Variants in DOCK1 observed in about 807,000 individuals in gnomAD.
DOCK1 encodes dedicator of cytokinesis 1.
DOCK1 carries 138 observed loss-of-function variants against 262.7 expected under a neutral mutation model. That is an observed-to-expected ratio of 0.53 (90% CI 0.46 to 0.61). DOCK1 has a LOEUF of 0.61. Among genes scored for constraint, DOCK1 ranks in the 20% least tolerant of loss-of-function variants. The probability of loss-of-function intolerance (pLI) is 0.00; values close to 1 mark genes in which losing one functional copy is unlikely to be tolerated. For missense variants in DOCK1, 1,908 were observed against 2,370.7 expected (o/e 0.80, Z 4.05); for synonymous variants, 866 against 867.4 (o/e 1.00, Z 0.03).
rs948615329 is a variant in DOCK1, at chr10:126,941,991, G to A, written c.47-28711G>A. 2.0e-3 allele frequency among the ~76,000 whole-genome samples: 307 copies of A among 152,128 alleles called. 2 individuals carry two copies. Among genetic ancestry groups the A allele is most frequent in the African/African-American group, 7.1e-3 (293 of 41,526 alleles). On this transcript the variant is annotated intron_variant, in intron 1 of 51. Transcript: ENST00000623213. ...ATCATGAGGAGGGGAGAGCCAAGAG[G>A]GTGTCGGATGTGTGTTGTCACTCTG...
At chr10:127,248,646 C>T (rs571514057) in intron 28 of DOCK1, among the ~76,000 whole-genome samples, 1 of 152,324 alleles carries the variant, frequency 6.6e-6, no homozygotes, top group South Asian at 2.1e-4. Flanking sequence ...TTATGAACTA[C>T]CTCCCTAATG....
chr10:127,079,537 A>C (rs896824050), intron 23 of DOCK1, among the ~76,000 whole-genome samples: 1 of 152,096 alleles, frequency 6.6e-6, no homozygotes, highest in Non-Finnish European at 1.5e-5. Context: ...CTAATAAAAA[A>C]ATCTGTTGAG....
At chr10:127,262,771 T>G (rs2060220665) in intron 29 of DOCK1, among the ~76,000 whole-genome samples, 1 of 152,222 alleles carries the variant, frequency 6.6e-6, no homozygotes, top group South Asian at 2.1e-4. Flanking sequence ...GAGAGTGAGC[T>G]AACATTGGGC....
chr10:127,108,993 GT>G (rs1174763213), intron 24 of DOCK1, among the ~76,000 whole-genome samples: 19 of 152,238 alleles, frequency 1.2e-4, no homozygotes, highest in South Asian at 2.1e-4. Flanking sequence ...TTGTATTCAA[GT>G]TTTTTTAAAA....
At chr10:127,161,916 C>T (rs2053623433) in intron 27 of DOCK1, among the ~76,000 whole-genome samples, 1 of 152,148 alleles carries the variant, frequency 6.6e-6, no homozygotes. Context: ...TGGATTGACC[C>T]CTGTTCCAGA....
intron 23 of DOCK1, among the ~76,000 whole-genome samples, chr10:127,070,637 G>T (rs2046175374): frequency 6.6e-6 from 1 of 151,636 alleles, no homozygotes; most frequent in Admixed American, 6.6e-5. Context: ...CAGGTCAGTG[G>T]TGAACAAAGG....
chr10:127,354,385 A>G (rs2064033566), intron 31 of DOCK1, among the ~76,000 whole-genome samples: 3 of 152,222 alleles, frequency 2.0e-5, no homozygotes, highest in Non-Finnish European at 4.4e-5. Context: ...CCAGGAGCCA[A>G]GAGATTGAAG....
chr10:127,243,077 G>C (rs1168668664), intron 27 of DOCK1, among the ~76,000 whole-genome samples: 3 of 152,110 alleles, frequency 2.0e-5, no homozygotes, highest in Admixed American at 6.5e-5. Flanking sequence ...TGAGCTCCAG[G>C]GTCGATTGAG....
intron 46 of DOCK1, among the ~76,000 whole-genome samples, chr10:127,423,439 G>T (rs549463853): frequency 6.6e-6 from 1 of 152,288 alleles, no homozygotes; most frequent in Non-Finnish European, 1.5e-5. Flanking sequence ...CCTGCTCCTC[G>T]CTGGGTGGGA....
At chr10:127,233,769 A>T (rs988445290) in intron 27 of DOCK1, among the ~76,000 whole-genome samples, 3 of 152,246 alleles carry the variant, frequency 2.0e-5, no homozygotes, top group Admixed American at 2.0e-4. Context: ...ATTATAAAAA[A>T]TGTTGATCTT....
At chr10:126,941,618 T>C (rs1024460455) in intron 1 of DOCK1, among the ~76,000 whole-genome samples, 71 of 152,090 alleles carry the variant, frequency 4.7e-4, no homozygotes, top group African/African-American at 1.6e-3. Flanking sequence ...TAGCCAGGCG[T>C]GGTGGCGGGT....
At chr10:127,178,289 GAAC>G in intron 27 of DOCK1, among the ~76,000 whole-genome samples, 1 of 152,322 alleles carries the variant, frequency 6.6e-6, no homozygotes, top group East Asian at 1.9e-4. Context: ...TCATGTGTAA[GAAC>G]AACAAAAAAC....
chr10:127,055,388 T>C (rs1331697165), intron 22 of DOCK1, among the ~76,000 whole-genome samples: 2 of 152,208 alleles, frequency 1.3e-5, no homozygotes, highest in East Asian at 3.8e-4. Flanking sequence ...GAAACAGCTG[T>C]GCCAGCTATT....
Position 126,907,321 on chromosome 10 carries a change from C to G in DOCK1, c.46+1758C>G, listed in dbSNP as rs1186942776. On this transcript the variant is annotated intron_variant, in intron 1 of 51. Transcript: ENST00000623213. ...GGAGGCTGGCAGAGGAGCAGGCATC[C>G]CATAGCCCTGGCCCTGCTGAGGAAG... 3.3e-5 allele frequency among the ~76,000 whole-genome samples: 5 copies of G among 152,050 alleles called. No individual in the cohort carries two copies. In the East Asian group the frequency reaches 5.8e-4, roughly 18 times the overall value.
intron 29 of DOCK1, among the ~76,000 whole-genome samples, chr10:127,324,261 C>A (rs2062663122): frequency 6.6e-6 from 1 of 152,212 alleles, no homozygotes; most frequent in Non-Finnish European, 1.5e-5. Flanking sequence ...TCAGCACCAG[C>A]CACGTCTCCT....
intron 38 of DOCK1, among the ~76,000 whole-genome samples, chr10:127,387,685 G>C (rs1247826934): frequency 6.6e-6 from 1 of 152,086 alleles, no homozygotes; most frequent in Non-Finnish European, 1.5e-5. Context: ...TGCATCTAAT[G>C]CTCGGAACAG....
At chr10:127,042,791 G>A (rs914214955) in intron 20 of DOCK1, 77 bp downstream of exon 20, 5 of 1,471,736 alleles carry the variant, frequency 3.4e-6, no homozygotes, top group Non-Finnish European at 4.7e-6. Flanking sequence ...CTGGAGTCGG[G>A]GGCTTCGTCA....
In DOCK1 at chr10:127,381,295, G is replaced by T; in HGVS notation, c.3734G>T (p.Cys1245Phe). The change falls in exon 37 of 52, where the codon TGT becomes TTT. Residue 1245 changes from cysteine (C) to phenylalanine (F), a missense_variant. By Grantham distance (205) the Cys-to-Phe change is radical. Transcript: ENST00000623213. ...EMYIRYLYKLCDLHKECDNYT... is the reference protein window; with the variant it reads ...EMYIRYLYKLFDLHKECDNYT... Reference sequence around the variant, plus strand: ...TGTCTCAGGTATTTGTACAAGCTCTGTGACCTGCACAAGGAGTGTGATAAC... The same window carrying T: ...TGTCTCAGGTATTTGTACAAGCTCTTTGACCTGCACAAGGAGTGTGATAAC... 6.2e-7 allele frequency: 1 copy of T among 1,612,090 alleles called. No individual in the cohort carries two copies. Among genetic ancestry groups the T allele is most frequent in the Non-Finnish European group, 8.5e-7 (1 of 1,178,800 alleles).
chr10:127,355,738 C>G (rs1482236837), intron 32 of DOCK1, among the ~76,000 whole-genome samples: 1 of 152,212 alleles, frequency 6.6e-6, no homozygotes, highest in Non-Finnish European at 1.5e-5. Flanking sequence ...AGGGTTGGGA[C>G]AACTTAGCTG....
Sources: gnomAD v4.1 joint callset for allele counts (sites outside exome capture counted in the v4.1 genomes callset) on GRCh38, gnomAD v4.1.1 for gene constraint, MANE v1.5 for transcripts, NCBI Gene and HGNC (gene_info 2026-07-23, HGNC 2026-07-21) for gene names.